COL24A1: variants seen among roughly 807,000 people sequenced by gnomAD.
COL24A1 encodes collagen type XXIV alpha 1 chain.
A neutral mutation model predicts 253.9 loss-of-function variants in COL24A1; 224 were observed. That is an observed-to-expected ratio of 0.88 (90% CI 0.79 to 0.99). The LOEUF (loss-of-function observed/expected upper bound fraction) is 0.99, where lower values mean the gene tolerates loss of function less well. Among genes scored for constraint, COL24A1 ranks in the 50% least tolerant of loss-of-function variants. The pLI is 0.00. For synonymous variants in COL24A1, 685 were observed against 673.7 expected (o/e 1.02, Z -0.26); for missense variants, 2,131 against 2,068.5 (o/e 1.03, Z -0.59).
At position 86,115,325 on chromosome 1, in the gene COL24A1, C is replaced by G. The variant is rs1422964214; in HGVS notation, c.1545G>C (p.Arg515=). Residue 515 remains arginine (R), a splice_region_variant and synonymous_variant, in exon 4 of 60, where the codon CGG becomes CGC. Transcript: ENST00000370571. The stretch of plus-strand genomic sequence containing the variant: ...CAGGAAATATAGCCCATCTACTTAC[C>G]CGTGGACCTCTCTTCCCTGACGGAC... ...IPGPSGKRGP[R]GIPGPHGNPG... is the part of the protein sequence containing the mutation. The G allele has an allele frequency of 6.8e-6, 11 of 1,613,802 alleles. No homozygotes were observed. The highest frequency in any genetic ancestry group is 7.6e-6 in the Non-Finnish European group (9 of 1,179,788).
intron 24 of COL24A1, among the ~76,000 whole-genome samples, chr1:85,927,375 G>T (rs1338841588): frequency 6.6e-6 from 1 of 150,870 alleles, no homozygotes. Context: ...TTTTCAGACC[G>T]GCTTAAGAAA....
chr1:85,922,718 A>G (rs1686668110), intron 24 of COL24A1, among the ~76,000 whole-genome samples: 1 of 152,258 alleles, frequency 6.6e-6, no homozygotes, highest in Non-Finnish European at 1.5e-5. Flanking sequence ...AAAACATGCC[A>G]AATTGTAAAG....
chr1:86,016,678 C>G (rs1697024942), intron 19 of COL24A1, among the ~76,000 whole-genome samples: 1 of 152,158 alleles, frequency 6.6e-6, no homozygotes, highest in African/African-American at 2.4e-5. Flanking sequence ...GAAAAGAAGG[C>G]CACTGTATAT....
chr1:85,823,417 T>C (rs1673864976), intron 45 of COL24A1, 119 bp downstream of exon 45: 9 of 906,088 alleles, frequency 9.9e-6, no homozygotes, highest in Admixed American at 4.3e-5. Context: ...CCCATAGTGA[T>C]CCATATTCTA....
intron 19 of COL24A1, among the ~76,000 whole-genome samples, chr1:85,999,328 T>C (rs188751372): frequency 1.8e-4 from 27 of 152,158 alleles, no homozygotes; most frequent in Admixed American, 1.6e-3. Flanking sequence ...TTGTAACAAC[T>C]AGTACTAAGA....
intron 1 of COL24A1, chr1:86,155,709 G>C (rs1469057661): frequency 1.3e-5 from 2 of 152,414 alleles, no homozygotes; most frequent in African/African-American, 4.8e-5. Context: ...CAATGATCAG[G>C]GCGCAGCCTC....
At chr1:85,958,348 C>A (rs868817259) in intron 24 of COL24A1, among the ~76,000 whole-genome samples, 1 of 152,104 alleles carries the variant, frequency 6.6e-6, no homozygotes, top group East Asian at 1.9e-4. Context: ...AAAATTGGCA[C>A]CCTTGTCATA....
chr1:86,083,780 A>G (rs906608505), intron 7 of COL24A1, among the ~76,000 whole-genome samples: 1 of 152,174 alleles, frequency 6.6e-6, no homozygotes, highest in African/African-American at 2.4e-5. Flanking sequence ...AACTGAATTT[A>G]AGAGCAACAT....
chr1:85,875,159 T>G, intron 34 of COL24A1, 118 bp downstream of exon 34: 1 of 842,684 alleles, frequency 1.2e-6, no homozygotes, highest in Non-Finnish European at 1.9e-6. Flanking sequence ...TTTCCTGTTT[T>G]TATCTGGGGG....
intron 47 of COL24A1, among the ~76,000 whole-genome samples, chr1:85,797,207 CAAAAAAA>C (rs1181001829): frequency 1.5e-5 from 1 of 66,176 alleles, no homozygotes; most frequent in African/African-American, 6.3e-5. Flanking sequence ...GACTCCGTCT[CAAAAAAA>C]AAAAAAAAAA....
In COL24A1 at chr1:85,791,690, C is replaced by G. The variant is rs141045502; in HGVS notation, c.3952-5229G>C. Among the ~76,000 whole-genome samples the G allele has an allele frequency of 1.3e-3, 196 of 152,124 alleles. 1 individual carries two copies. The highest frequency in any genetic ancestry group is 2.2e-3 in the Non-Finnish European group (148 of 68,004). ...ATCAGTATATTCAATGAAAATCATA[C>G]GCTCATGAATTGCAGCATTTGGCAG... On this transcript the variant is annotated intron_variant, in intron 47 of 59. Transcript: ENST00000370571.
intron 7 of COL24A1, among the ~76,000 whole-genome samples, chr1:86,087,253 A>G (rs115516926): frequency 2.0e-5 from 3 of 152,328 alleles, no homozygotes; most frequent in Non-Finnish European, 4.4e-5. Context: ...TAATGCTGTT[A>G]TATGACTTTA....
chr1:85,758,009 G>A (rs546184590), intron 55 of COL24A1, among the ~76,000 whole-genome samples: 1 of 152,300 alleles, frequency 6.6e-6, no homozygotes, highest in South Asian at 2.1e-4. Flanking sequence ...TGTGACTAGT[G>A]AGTGTGAAAT....
intron 7 of COL24A1, among the ~76,000 whole-genome samples, chr1:86,064,212 C>T (rs1701316348): frequency 6.6e-6 from 1 of 152,040 alleles, no homozygotes; most frequent in African/African-American, 2.4e-5. Context: ...GTTCCTCTAA[C>T]CCAAATCATT....
intron 18 of COL24A1, among the ~76,000 whole-genome samples, chr1:86,021,386 C>G (rs61800687): frequency 6.6e-6 from 1 of 151,934 alleles, no homozygotes; most frequent in Non-Finnish European, 1.5e-5. Context: ...AACCCTAAAA[C>G]AGTATGGCAC....
At chr1:85,891,988 G>A (rs1307359108) in intron 31 of COL24A1, among the ~76,000 whole-genome samples, 1 of 152,016 alleles carries the variant, frequency 6.6e-6, no homozygotes, top group Non-Finnish European at 1.5e-5. Flanking sequence ...ATGACCATGA[G>A]GATAATAATG....
At chr1:85,901,682 G>C (rs1283619260) in intron 28 of COL24A1, among the ~76,000 whole-genome samples, 1 of 151,522 alleles carries the variant, frequency 6.6e-6, no homozygotes, top group African/African-American at 2.4e-5. Context: ...TGGTGGCTGA[G>C]TAGCCTGTAA....
At chr1:86,111,091 C>T (rs188548529) in intron 5 of COL24A1, among the ~76,000 whole-genome samples, 27 of 150,954 alleles carry the variant, frequency 1.8e-4, no homozygotes, top group South Asian at 4.2e-4. Context: ...TGTCTAGCTC[C>T]GGGTTTGCGG....
intron 8 of COL24A1, among the ~76,000 whole-genome samples, chr1:86,061,887 A>G (rs758691622): frequency 2.0e-5 from 3 of 152,036 alleles, no homozygotes; most frequent in Admixed American, 6.6e-5. Flanking sequence ...AAAATTAGGA[A>G]GCCTGCCCTA....
Sources: allele counts gnomAD v4.1 joint callset (sites outside exome capture counted in the v4.1 genomes callset), GRCh38; gene constraint gnomAD v4.1.1; transcripts MANE v1.5; gene names NCBI Gene and HGNC (gene_info 2026-07-23, HGNC 2026-07-21).